Variants in MVD observed in about 807,000 individuals in gnomAD.
MVD encodes the protein mevalonate diphosphate decarboxylase, also known as diphosphomevalonate decarboxylase.
MVD carries 52 observed loss-of-function variants against 42.4 expected under a neutral mutation model. That is an observed-to-expected ratio of 1.23 (90% CI 0.98 to 1.55). The LOEUF (loss-of-function observed/expected upper bound fraction) is 1.55, where lower values mean the gene tolerates loss of function less well. Ranked by LOEUF, MVD falls within the 40% of genes most tolerant of loss-of-function variation. MVD has a pLI of 0.00. For missense variants in MVD, 663 were observed against 572.1 expected, an observed-to-expected ratio of 1.16 and a Z score of -1.62; for synonymous variants, 287 against 243.2, an observed-to-expected ratio of 1.18 and a Z score of -1.68.
Position 88,652,454 on chromosome 16 carries a change from C to G in MVD, c.*71G>C, listed in dbSNP as rs1402151343. 2 of 1,505,828 alleles carry G rather than the reference C, an allele frequency of 1.3e-6. No individual in the cohort carries two copies. The highest frequency in any genetic ancestry group is 1.8e-6 in the Non-Finnish European group (2 of 1,107,700). The allele number at this position is 1,505,828 out of a possible 1,614,324, so 93.3% of individuals were successfully genotyped here. On this transcript the variant is annotated 3_prime_UTR_variant, in exon 10 of 10. Coordinates refer to ENST00000301012, the MANE Select transcript of MVD (RefSeq NM_002461.3). ...ACATGTCCCAGGAGTCCGGCCAGCC[C>G]ACCACATCCGCTCCCTAGCTCCGGC...
intron 1 of MVD, 80 bp from the exon 2 acceptor site, chr16:88,658,800 C>A: frequency 9.8e-7 from 1 of 1,017,442 alleles, no homozygotes; most frequent in Admixed American, 2.3e-5. Flanking sequence ...GCCCCCACCC[C>A]CCACCCACGG....
Position 88,658,613 on chromosome 16 carries a change from A to G in MVD, c.141+37T>C, listed in dbSNP as rs771027915. 7 of 1,594,644 alleles carry G rather than the reference A, an allele frequency of 4.4e-6. No homozygotes were observed. In the African/African-American group the frequency reaches 6.7e-5, roughly 15 times the overall value. On this transcript the variant is annotated intron_variant, in intron 2 of 9. Coordinates refer to ENST00000301012, the MANE Select transcript of MVD (RefSeq NM_002461.3). ...CAACTGTTCTACAAATGTTCTGGAA[A>G]TGGCACTGTGGTGTTTAGTCGTCAG... is the stretch of plus-strand genomic sequence containing the variant.
intron 8 of MVD, among the ~76,000 whole-genome samples, chr16:88,654,054 G>C (rs916312206): frequency 1.3e-5 from 2 of 152,118 alleles, no homozygotes; most frequent in Non-Finnish European, 2.9e-5. Context: ...GAAATCAACA[G>C]CCCCGGGGCG....
chr16:88,657,289 G>A (rs1308584296), intron 4 of MVD, 147 bp downstream of exon 4: 4 of 1,142,066 alleles, frequency 3.5e-6, no homozygotes, highest in East Asian at 5.1e-5. Context: ...GGAAGAGACT[G>A]AACAACTCCA....
intron 2 of MVD, 76 bp downstream of exon 2, chr16:88,658,574 T>A: frequency 1.4e-6 from 2 of 1,457,166 alleles, no homozygotes; most frequent in Non-Finnish European, 1.9e-6. Flanking sequence ...TGAGCCACCA[T>A]ACCCAACGGG....
chr16:88,659,976 CAA>C (rs57506875), intron 1 of MVD, among the ~76,000 whole-genome samples: 92 of 131,944 alleles, frequency 7.0e-4, no homozygotes, highest in Middle Eastern at 7.6e-3. Flanking sequence ...GACCCTTTCT[CAA>C]AAAAAAAAAA....
rs1907836490 is a variant in MVD, at chr16:88,655,291, C to T, written c.805G>A (p.Asp269Asn). 3 of 1,593,366 alleles carry T rather than the reference C, an allele frequency of 1.9e-6. No homozygotes were observed. The highest frequency in any genetic ancestry group is 2.6e-6 in the Non-Finnish European group (3 of 1,170,252). Reference sequence around the variant, plus strand: ...AGGTAAGAGATGGGCGGGAAGGTGTCGAGGCAGGTGGCGTGGAACTGGTTG... The same window carrying T: ...AGGTAAGAGATGGGCGGGAAGGTGTTGAGGCAGGTGGCGTGGAACTGGTTG... ...DSNQFHATCL[D>N]TFPPISYLNA... is the part of the protein sequence containing the mutation. Residue 269 changes from aspartate to asparagine, a missense_variant, in exon 7 of 10, where the codon GAC becomes AAC. Asp to Asn is a conservative substitution (Grantham distance 23). Coordinates refer to ENST00000301012, the MANE Select transcript of MVD (RefSeq NM_002461.3).
rs1268043561 is a variant in MVD, at chr16:88,654,695, T to A, written c.1010A>T (p.Asp337Val). 8.8e-6 allele frequency: 14 copies of A among 1,596,654 alleles called. No individual in the cohort carries two copies. Among genetic ancestry groups the A allele is most frequent in the Non-Finnish European group, 1.2e-5 (14 of 1,174,546 alleles). Residue 337 changes from aspartate (D) to valine (V), a missense_variant, in exon 8 of 10, where the codon GAC (aspartate) becomes GTC (valine). Physicochemically the swap from Asp to Val is radical, Grantham distance 152. Transcript: ENST00000301012. The part of the protein sequence containing the change: ...WHGFPPGSNG[D>V]TFLKGLQVRP... ...GAGGGGCGGGGTCCACACTCACGTG[T>A]CTCCATTCGAGCCTGGGGGAAAGCC...
intron 4 of MVD, chr16:88,656,552 C>G: frequency 1.7e-6 from 1 of 578,910 alleles, no homozygotes; most frequent in East Asian, 2.8e-5. Context: ...ACAAGGGCAA[C>G]AAAAGGTACC....
In MVD at chr16:88,652,511, C is replaced by G. The variant is rs1400631687; in HGVS notation, c.*14G>C. The G allele has an allele frequency of 6.4e-7, 1 of 1,561,510 alleles. No homozygotes were observed. The highest frequency in any genetic ancestry group is 8.7e-7 in the Non-Finnish European group (1 of 1,152,768). On this transcript the variant is annotated 3_prime_UTR_variant, in exon 10 of 10. Coordinates refer to ENST00000301012, the MANE Select transcript of MVD (RefSeq NM_002461.3). Reference sequence around the variant, plus strand: ...ACCCCTTCTCCAAGCGGCATGCGGTCCCTGCTGAGGCAGTCAGGCAGCTGG... The same window carrying G: ...ACCCCTTCTCCAAGCGGCATGCGGTGCCTGCTGAGGCAGTCAGGCAGCTGG...
chr16:88,658,123 C>T, intron 2 of MVD, 94 bp from the exon 3 acceptor site: 1 of 1,296,268 alleles, frequency 7.7e-7, no homozygotes. Flanking sequence ...CATGGCTGCC[C>T]ACTCGAGCAA....
intron 1 of MVD, among the ~76,000 whole-genome samples, chr16:88,661,856 T>G (rs1310585381): frequency 7.7e-6 from 1 of 129,708 alleles, no homozygotes; most frequent in African/African-American, 2.7e-5. Flanking sequence ...AAAAAAAAAG[T>G]ATATATATAA....
chr16:88,661,685 A>G (rs983413580), intron 1 of MVD, among the ~76,000 whole-genome samples: 3 of 152,042 alleles, frequency 2.0e-5, no homozygotes, highest in African/African-American at 7.2e-5. Flanking sequence ...GGAAACGCGA[A>G]TGAGGACCAC....
In MVD at chr16:88,657,549, C is replaced by T. The variant is rs376949804; in HGVS notation, c.290G>A (p.Arg97Gln). 2.6e-5 allele frequency: 42 copies of T among 1,612,652 alleles called. No homozygotes were observed. Among genetic ancestry groups the T allele is most frequent in the Admixed American group, 1.5e-4 (9 of 60,004 alleles). Residue 97 changes from arginine to glutamine, a missense_variant, in exon 4 of 10, where the codon CGG becomes CAG. By Grantham distance (43) the Arg-to-Gln change is conservative. Transcript: ENST00000301012. ...GCTGGAGGGCAGCGGGTCCCCATCC[C>T]GTGAGTTCCTCCGCTTCCGGGCCAG... ...RCLARKRRNS[R>Q]DGDPLPSSLS...
chr16:88,658,370 G>A (rs754383257), intron 2 of MVD, among the ~76,000 whole-genome samples: 2 of 152,228 alleles, frequency 1.3e-5, no homozygotes, highest in Non-Finnish European at 1.5e-5. Context: ...AACAGACACT[G>A]CGTGCTGGCT....
intron 8 of MVD, 176 bp from the exon 9 acceptor site, chr16:88,653,584 T>A: frequency 3.5e-6 from 2 of 568,078 alleles, no homozygotes; most frequent in South Asian, 4.3e-5. Flanking sequence ...GATGAAAAAG[T>A]TAAGGAGGTG....
In MVD at chr16:88,655,546, G is replaced by C; in HGVS notation, c.678+110C>G. 7.9e-6 allele frequency: 12 copies of C among 1,511,736 alleles called. No individual in the cohort carries two copies. The South Asian group carries it at 1.4e-4, about 18-fold the overall frequency. The allele number at this position is 1,511,736 out of a possible 1,614,324, so 93.6% of individuals were successfully genotyped here. A position where few individuals can be genotyped will look rare whatever the true frequency, so the allele number is the denominator to read the frequency against. ...GCATTTGGCTCCTGCACGTGGTCTT[G>C]GCGGGGCTGCCGCAGGTGTGAGAAC... On this transcript the variant is annotated intron_variant, in intron 6 of 9. Coordinates refer to ENST00000301012, the MANE Select transcript of MVD (RefSeq NM_002461.3).
intron 8 of MVD, among the ~76,000 whole-genome samples, chr16:88,653,820 C>A (rs1335238843): frequency 6.6e-6 from 1 of 152,084 alleles, no homozygotes; most frequent in Non-Finnish European, 1.5e-5. Context: ...ACAGCGGAAG[C>A]CTGCAAGCCC....
At position 88,656,885 on chromosome 16, in the gene MVD, A is replaced by T. The variant is rs74845697; in HGVS notation, c.403+551T>A. 2,565 of 289,332 alleles carry T rather than the reference A, an allele frequency of 8.9e-3. 96 individuals carry two copies. The highest frequency in any genetic ancestry group is 0.086 in the East Asian group (837 of 9,684). 17.9% of individuals were successfully genotyped at this position (289,332 alleles called of 1,614,324 possible). A position where few individuals can be genotyped will look rare whatever the true frequency, so the allele number is the denominator to read the frequency against. ...GGAGTTGAGGGGTGAAGATGGTGTG[A>T]GACCACCACCGGGGGGACAGGCTCT... On this transcript the variant is annotated intron_variant, in intron 4 of 9. Transcript: ENST00000301012.
Sources: gnomAD v4.1 joint callset for allele counts (sites outside exome capture counted in the v4.1 genomes callset) on GRCh38, gnomAD v4.1.1 for gene constraint, MANE v1.5 for transcripts, NCBI Gene and HGNC (gene_info 2026-07-23, HGNC 2026-07-21) for gene names.